The following CDC42SE2 variants were observed in gnomAD, a reference collection of about 807,000 sequenced individuals.
CDC42SE2 encodes the protein CDC42 small effector protein 2.
Under a neutral mutation model 11.5 loss-of-function variants are expected in CDC42SE2, and 3 were observed. That is an observed-to-expected ratio of 0.26 (90% CI 0.12 to 0.67). CDC42SE2 has a LOEUF of 0.67. CDC42SE2 is among the 30% of genes least tolerant of loss of function. The pLI is 0.80. For synonymous variants in CDC42SE2, 33 were observed against 34.8 expected (o/e 0.95, Z 0.18); for missense variants, 82 against 106.8 (o/e 0.77, Z 1.02).
intron 2 of CDC42SE2, among the ~76,000 whole-genome samples, chr5:131,344,070 A>G (rs1477005926): frequency 1.3e-5 from 2 of 152,196 alleles, no homozygotes; most frequent in Admixed American, 1.3e-4. Flanking sequence ...CTGAGTAGGA[A>G]CAGCTCCAGT....
the CDC42SE2 span, among the ~76,000 whole-genome samples, chr5:131,224,358 T>G: frequency 4.0e-4 from 61 of 152,304 alleles, no homozygotes; most frequent in Non-Finnish European, 8.1e-4. Flanking sequence ...TTTTCTAACC[T>G]ACCTCATCTG....
At chr5:131,254,727 A>G (rs1016820736) in intron 1 of CDC42SE2, among the ~76,000 whole-genome samples, 1 of 152,162 alleles carries the variant, frequency 6.6e-6, no homozygotes, top group African/African-American at 2.4e-5. Context: ...GTCTAGTCCA[A>G]TGTTTTTAAA....
At chr5:131,363,563 G>C (rs1749771727) in intron 3 of CDC42SE2, among the ~76,000 whole-genome samples, 1 of 151,838 alleles carries the variant, frequency 6.6e-6, no homozygotes, top group Non-Finnish European at 1.5e-5. Flanking sequence ...TTTCAGTAGA[G>C]ATGGGGTTTC....
At chr5:131,294,024 C>G (rs1757518402) in intron 1 of CDC42SE2, among the ~76,000 whole-genome samples, 1 of 152,180 alleles carries the variant, frequency 6.6e-6, no homozygotes, top group East Asian at 1.9e-4. Context: ...CACTGAGCCA[C>G]TCTTCTGGTG....
chr5:131,366,014 G>A (rs995199972), intron 3 of CDC42SE2, among the ~76,000 whole-genome samples: 1 of 152,132 alleles, frequency 6.6e-6, no homozygotes, highest in East Asian at 1.9e-4. Context: ...CTTATCAGTT[G>A]AGAAATGAAA....
rs1220390731 is a variant in CDC42SE2, at chr5:131,391,073, G to C, written c.237G>C (p.Val79=). The C allele has an allele frequency of 6.2e-7, 1 of 1,612,450 alleles. No homozygotes were observed. Among genetic ancestry groups the C allele is most frequent in the Non-Finnish European group, 8.5e-7 (1 of 1,178,974 alleles). Residue 79 remains valine (V), a synonymous_variant, in exon 5 of 5, where the codon GTG becomes GTC. Coordinates refer to ENST00000505065, the MANE Select transcript of CDC42SE2 (RefSeq NM_001375635.1). The part of the protein sequence containing the change: ...GMPANVQMQL[V]DTKAG The stretch of plus-strand genomic sequence containing the variant: ...CTGCCAATGTCCAGATGCAGCTCGT[G>C]GATACGAAGGCGGGATAGCCCTGGT...
At chr5:131,338,767 G>A (rs190012325) in intron 2 of CDC42SE2, among the ~76,000 whole-genome samples, 13 of 152,204 alleles carry the variant, frequency 8.5e-5, no homozygotes, top group Admixed American at 2.6e-4. Flanking sequence ...AGAGTCTTAC[G>A]TTCTAAACCA....
chr5:131,369,510 A>G (rs1037060582), intron 3 of CDC42SE2, among the ~76,000 whole-genome samples: 15 of 152,294 alleles, frequency 9.8e-5, no homozygotes, highest in African/African-American at 3.6e-4. Flanking sequence ...TTTAGACTTG[A>G]TGTTACCATC....
chr5:131,268,054 CTTTTTT>C (rs148354795), intron 1 of CDC42SE2, among the ~76,000 whole-genome samples: 3 of 65,448 alleles, frequency 4.6e-5, no homozygotes, highest in Admixed American at 1.8e-4. Flanking sequence ...CATGCTTATT[CTTTTTT>C]TTTTTTTTTT....
At chr5:131,381,479 C>T (rs375764675) in intron 3 of CDC42SE2, among the ~76,000 whole-genome samples, 9 of 152,102 alleles carry the variant, frequency 5.9e-5, no homozygotes, top group South Asian at 2.1e-4. Flanking sequence ...CCTGCTACCA[C>T]GCCTGGCTAA....
chr5:131,322,110 A>G (rs1367502912), intron 2 of CDC42SE2, among the ~76,000 whole-genome samples: 4 of 152,196 alleles, frequency 2.6e-5, no homozygotes, highest in Admixed American at 6.5e-5. Context: ...TCGGGCTCCC[A>G]AAGTGCTGGG....
intron 2 of CDC42SE2, among the ~76,000 whole-genome samples, chr5:131,329,895 AAAAAAAAAAAAAAAAAAAAAAAAAAAAG>A (rs1758382426): frequency 6.5e-5 from 3 of 46,078 alleles, no homozygotes; most frequent in Non-Finnish European, 9.2e-5. Flanking sequence ...AAAAAAAAAA[AAAAAAAAAAAAAAAAAAAAAAAAAAAAG>A]AAGAAGCGCT....
intron 3 of CDC42SE2, among the ~76,000 whole-genome samples, chr5:131,374,974 A>G (rs757274421): frequency 1.2e-4 from 18 of 152,036 alleles, no homozygotes; most frequent in Admixed American, 2.6e-4. Context: ...TTTAACACCA[A>G]TGATATTAAC....
chr5:131,275,870 C>T (rs1010035653), intron 1 of CDC42SE2, among the ~76,000 whole-genome samples: 2 of 150,724 alleles, frequency 1.3e-5, no homozygotes, highest in Non-Finnish European at 2.9e-5. Context: ...TGCCTAGTTA[C>T]TCTCCTTTCA....
upstream of CDC42SE2, among the ~76,000 whole-genome samples, chr5:131,243,924 ATAGAATGGC>A (rs1416221459): frequency 2.9e-4 from 44 of 152,244 alleles, no homozygotes; most frequent in Non-Finnish European, 1.5e-4. Context: ...CCAGAAGACA[ATAGAATGGC>A]TGTCAAATTA....
chr5:131,388,345 A>C (rs1750550404), intron 4 of CDC42SE2, among the ~76,000 whole-genome samples: 1 of 152,080 alleles, frequency 6.6e-6, no homozygotes, highest in South Asian at 2.1e-4. Context: ...GATGAGCCTG[A>C]CTCTGTGAGA....
chr5:131,372,056 G>A (rs939519215), intron 3 of CDC42SE2, among the ~76,000 whole-genome samples: 14 of 152,018 alleles, frequency 9.2e-5, no homozygotes, highest in Admixed American at 7.9e-4. Context: ...GTGTCTACCT[G>A]GGTAACAGTT....
chr5:131,231,406 T>C, the CDC42SE2 span, among the ~76,000 whole-genome samples: 1 of 152,238 alleles, frequency 6.6e-6, no homozygotes, highest in Admixed American at 6.5e-5. Context: ...ATCCCAACTC[T>C]ATCAGATCAT....
intron 1 of CDC42SE2, among the ~76,000 whole-genome samples, chr5:131,268,831 A>T (rs1441532333): frequency 2.1e-5 from 3 of 145,882 alleles, no homozygotes; most frequent in Non-Finnish European, 4.5e-5. Flanking sequence ...GCTTACTGCA[A>T]CCTCTGCCTC....
Sources: allele counts gnomAD v4.1 joint callset (sites outside exome capture counted in the v4.1 genomes callset), GRCh38; gene constraint gnomAD v4.1.1; transcripts MANE v1.5; gene names NCBI Gene and HGNC (gene_info 2026-07-23, HGNC 2026-07-21).